The following LPP variants were observed in gnomAD, a reference collection of about 807,000 sequenced individuals.
LPP encodes lipoma-preferred partner.
A neutral mutation model predicts 60.4 loss-of-function variants in LPP; 38 were observed. The ratio of observed to expected loss-of-function variants is 0.63; its 90% CI spans 0.49 to 0.83. The LOEUF (loss-of-function observed/expected upper bound fraction) is 0.83, where lower values mean the gene tolerates loss of function less well. Ranked by LOEUF, LPP falls within the 40% of genes least tolerant of loss-of-function variation. The pLI is 0.00. For synonymous variants in LPP, 328 were observed against 290.8 expected (o/e 1.13, Z -1.30); for missense variants, 902 against 783.6 (o/e 1.15, Z -1.80).
At chr3:188,635,243 A>T (rs1177897017) in intron 7 of LPP, among the ~76,000 whole-genome samples, 2 of 152,168 alleles carry the variant, frequency 1.3e-5, no homozygotes, top group African/African-American at 4.8e-5. Flanking sequence ...CACATGCTGC[A>T]TTGTCTGAAA....
intron 2 of LPP, among the ~76,000 whole-genome samples, chr3:188,324,177 G>A (rs943823573): frequency 7.2e-5 from 11 of 152,060 alleles, no homozygotes; most frequent in African/African-American, 2.7e-4. Context: ...TCTATATAAT[G>A]AACAATGTCA....
intron 4 of LPP, among the ~76,000 whole-genome samples, chr3:188,440,970 T>TGC (rs1553899251): frequency 4.7e-5 from 7 of 150,384 alleles, no homozygotes; most frequent in African/African-American, 7.3e-5. Context: ...TGTGTGTGTG[T>TGC]GCGCCTGTAT....
intron 10 of LPP, among the ~76,000 whole-genome samples, chr3:188,870,129 AATATACATATGTGTGTGTGTGT>A (rs1271685633): frequency 2.0e-5 from 3 of 152,066 alleles, no homozygotes; most frequent in Non-Finnish European, 4.4e-5. Flanking sequence ...CTGGTATAGA[AATATACATATGTGTGTGTGTGT>A]ATATACATAT....
intron 9 of LPP, among the ~76,000 whole-genome samples, chr3:188,783,380 A>T (rs1234438716): frequency 6.6e-6 from 1 of 152,242 alleles, no homozygotes; most frequent in Non-Finnish European, 1.5e-5. Context: ...AGCCATAAAA[A>T]AGAATGAGAT....
At chr3:188,679,145 G>T (rs552895221) in intron 7 of LPP, among the ~76,000 whole-genome samples, 1 of 152,292 alleles carries the variant, frequency 6.6e-6, no homozygotes, top group South Asian at 2.1e-4. Flanking sequence ...AGTGGATCTG[G>T]TCTCCAGTCA....
chr3:188,401,684 C>T (rs1179381383), intron 3 of LPP, among the ~76,000 whole-genome samples: 2 of 152,108 alleles, frequency 1.3e-5, no homozygotes, highest in Non-Finnish European at 2.9e-5. Context: ...TTATTGAGTA[C>T]CTATCATGTG....
intron 7 of LPP, among the ~76,000 whole-genome samples, chr3:188,639,321 A>T (rs1849549797): frequency 6.7e-6 from 1 of 149,722 alleles, no homozygotes; most frequent in Admixed American, 6.6e-5. Flanking sequence ...ATATGTAGAA[A>T]GCTGAAACTG....
chr3:188,753,865 A>G (rs974422493), intron 8 of LPP, among the ~76,000 whole-genome samples: 1 of 152,024 alleles, frequency 6.6e-6, no homozygotes, highest in Admixed American at 6.6e-5. Context: ...CTAGCCACGT[A>G]CCTGTTGAAC....
At chr3:188,197,782 T>C (rs1286653355) in intron 1 of LPP, among the ~76,000 whole-genome samples, 1 of 152,166 alleles carries the variant, frequency 6.6e-6, no homozygotes, top group Non-Finnish European at 1.5e-5. Context: ...ATTGGCCTTA[T>C]CATCCTGTGA....
intron 6 of LPP, among the ~76,000 whole-genome samples, chr3:188,549,985 T>C (rs1827661524): frequency 6.6e-6 from 1 of 152,188 alleles, no homozygotes; most frequent in African/African-American, 2.4e-5. Context: ...GTTACTATAT[T>C]TTCACCAGCA....
chr3:188,181,527 C>T (rs1472050526), intron 1 of LPP, among the ~76,000 whole-genome samples: 9 of 152,158 alleles, frequency 5.9e-5, no homozygotes, highest in Non-Finnish European at 1.2e-4. Context: ...GCAGGCCATA[C>T]ATGGTCTCTG....
chr3:188,838,225 T>C (rs564482695), intron 9 of LPP, among the ~76,000 whole-genome samples: 5 of 152,200 alleles, frequency 3.3e-5, no homozygotes, highest in Non-Finnish European at 7.3e-5. Flanking sequence ...ACTTTATTAT[T>C]CCATTACTTT....
chr3:188,768,481 T>C (rs1422444297), intron 9 of LPP, among the ~76,000 whole-genome samples: 2 of 152,198 alleles, frequency 1.3e-5, no homozygotes, highest in Non-Finnish European at 2.9e-5. Flanking sequence ...TCTTTTAGCA[T>C]AATTTGCTAT....
chr3:188,525,495 A>C (rs1309513106), intron 6 of LPP, among the ~76,000 whole-genome samples: 1 of 152,150 alleles, frequency 6.6e-6, no homozygotes, highest in African/African-American at 2.4e-5. Context: ...ACATGTTGTT[A>C]TAGTTTTCAC....
intron 4 of LPP, among the ~76,000 whole-genome samples, chr3:188,481,015 T>G (rs898016428): frequency 1.3e-5 from 2 of 152,242 alleles, no homozygotes; most frequent in African/African-American, 4.8e-5. Context: ...TTCTTAAACA[T>G]GATAATTCTG....
intron 9 of LPP, among the ~76,000 whole-genome samples, chr3:188,834,162 G>T (rs1457442432): frequency 6.6e-6 from 1 of 151,972 alleles, no homozygotes; most frequent in African/African-American, 2.4e-5. Flanking sequence ...GTTTTCCTTT[G>T]TCTGTGCACA....
intron 2 of LPP, among the ~76,000 whole-genome samples, chr3:188,241,223 C>T (rs574755002): frequency 2.6e-5 from 4 of 152,294 alleles, no homozygotes; most frequent in African/African-American, 9.6e-5. Flanking sequence ...ATCCAACCTG[C>T]TGTTATCTGC....
intron 1 of LPP, among the ~76,000 whole-genome samples, chr3:188,159,342 C>T (rs1440452115): frequency 6.6e-6 from 1 of 152,170 alleles, no homozygotes; most frequent in Admixed American, 6.5e-5. Context: ...TTTGGCCACT[C>T]ACAGATAAAA....
At chr3:188,797,081 T>C (rs1745589289) in intron 9 of LPP, among the ~76,000 whole-genome samples, 1 of 151,918 alleles carries the variant, frequency 6.6e-6, no homozygotes, top group African/African-American at 2.4e-5. Flanking sequence ...ATGAATAGAA[T>C]AGCCGTTAGA....
Sources: allele counts gnomAD v4.1 joint callset (sites outside exome capture counted in the v4.1 genomes callset), GRCh38; gene constraint gnomAD v4.1.1; transcripts MANE v1.5; gene names NCBI Gene and HGNC (gene_info 2026-07-23, HGNC 2026-07-21).